Variants in XDH observed in about 807,000 individuals in gnomAD.
XDH encodes xanthine dehydrogenase/oxidase.
XDH carries 138 observed loss-of-function variants against 156.1 expected under a neutral mutation model. The ratio of observed to expected loss-of-function variants is 0.88; its 90% CI spans 0.77 to 1.02. XDH has a LOEUF of 1.02. Among genes scored for constraint, XDH ranks in the 50% least tolerant of loss-of-function variants. The probability of loss-of-function intolerance (pLI) is 0.00; values close to 1 mark genes in which losing one functional copy is unlikely to be tolerated. For synonymous variants in XDH, 669 were observed against 625.7 expected (o/e 1.07, Z -1.03); for missense variants, 1,849 against 1,684.9 (o/e 1.10, Z -1.71).
intron 6 of XDH, among the ~76,000 whole-genome samples, chr2:31,395,474 G>C (rs1198971807): frequency 6.6e-6 from 1 of 152,118 alleles, no homozygotes; most frequent in Non-Finnish European, 1.5e-5. Flanking sequence ...AGAATGCTCT[G>C]GCATATTCCA....
At chr2:31,342,426 A>G in intron 31 of XDH, 129 bp from the exon 32 acceptor site, 2 of 800,590 alleles carry the variant, frequency 2.5e-6, no homozygotes, top group Non-Finnish European at 4.2e-6. Flanking sequence ...TCTCCAAAAA[A>G]GTCCATGGTT....
At chr2:31,401,114 T>G in intron 4 of XDH, 106 bp downstream of exon 4, 1 of 1,282,956 alleles carries the variant, frequency 7.8e-7, no homozygotes, top group Admixed American at 1.9e-5. Flanking sequence ...GATTAAGCAG[T>G]GAAACTCTTC....
intron 24 of XDH, among the ~76,000 whole-genome samples, chr2:31,362,449 C>G (rs780993779): frequency 6.6e-6 from 1 of 152,170 alleles, no homozygotes; most frequent in Non-Finnish European, 1.5e-5. Context: ...AAAGTTCTTA[C>G]TAACTAGATA....
At chr2:31,361,814 A>T (rs1454098729) in intron 24 of XDH, among the ~76,000 whole-genome samples, 1 of 152,222 alleles carries the variant, frequency 6.6e-6, no homozygotes, top group Non-Finnish European at 1.5e-5. Flanking sequence ...AGTGTATTTT[A>T]CAAACAAAAC....
Position 31,335,777 on chromosome 2 carries a change from T to C in XDH, c.*181A>G, listed in dbSNP as rs543560814. On this transcript the variant is annotated 3_prime_UTR_variant, in exon 36 of 36. Transcript: ENST00000379416. ...AGTTTTGAATTTGCTTATCATTGTGTTTACAAATTACATTTTTGATCAAAA... is the reference window on the plus strand; with the variant it reads ...AGTTTTGAATTTGCTTATCATTGTGCTTACAAATTACATTTTTGATCAAAA... 9.9e-6 allele frequency: 7 copies of C among 704,524 alleles called. No individual in the cohort carries two copies. In the Admixed American group the frequency reaches 1.4e-4, roughly 14 times the overall value. The allele number at this position is 704,524 out of a possible 1,614,324, so 43.6% of individuals were successfully genotyped here.
chr2:31,403,253 T>A (rs1012222920), intron 2 of XDH, 109 bp from the exon 3 acceptor site: 2 of 1,188,692 alleles, frequency 1.7e-6, no homozygotes, highest in Non-Finnish European at 2.4e-6. Flanking sequence ...CCACACGTGC[T>A]CAGGCCCCTC....
intron 11 of XDH, 50 bp downstream of exon 11, chr2:31,382,951 A>C: frequency 6.2e-7 from 1 of 1,613,092 alleles, no homozygotes; most frequent in Non-Finnish European, 8.5e-7. Flanking sequence ...CCCTGCTTTC[A>C]GATGAAAGCT....
rs1415202186 is a variant in XDH at position 31,343,305 on chromosome 2, T to TGC, written c.3405-1009_3405-1008insGC. Among the ~76,000 whole-genome samples, 20 of 101,032 alleles carry TGC rather than the reference T, an allele frequency of 2.0e-4. 1 individual carries two copies. Among genetic ancestry groups the TGC allele is most frequent in the African/African-American group, 6.5e-4 (15 of 23,146 alleles). The allele number at this position is 101,032 out of a possible 152,430, so 66.3% of individuals were successfully genotyped here. A position where few individuals can be genotyped will look rare whatever the true frequency, so the allele number is the denominator to read the frequency against. ...TTCACCATATATATATATATATATATATATATATATATATATATATATGCA... is the reference window on the plus strand; with the variant it reads ...TTCACCATATATATATATATATATATGCATATATATATATATATATATATGCA... On this transcript the variant is annotated intron_variant, in intron 31 of 35. Coordinates refer to ENST00000379416, the MANE Select transcript of XDH (RefSeq NM_000379.4).
chr2:31,403,098 C>T lies in XDH; in HGVS notation c.147G>A (p.Gly49=), dbSNP rs1188315392. 3 of 1,614,052 alleles carry T rather than the reference C, an allele frequency of 1.9e-6. No individual in the cohort carries two copies. The highest frequency in any genetic ancestry group is 1.3e-5 in the African/African-American group (1 of 74,922). Residue 49 remains glycine (G), a synonymous_variant, in exon 3 of 36, where the codon GGG becomes GGA. Coordinates refer to ENST00000379416, the MANE Select transcript of XDH (RefSeq NM_000379.4). ...TKLGCGEGGC[G]ACTVMLSKYD... is the part of the protein sequence containing the mutation. ...ACTTGGAGAGCATCACTGTGCAAGC[C>T]CCGCAGCCCCCCTCTCCACAGCCGA...
At chr2:31,394,282 T>TA (rs1044429309) in intron 6 of XDH, among the ~76,000 whole-genome samples, 24 of 152,172 alleles carry the variant, frequency 1.6e-4, no homozygotes, top group African/African-American at 5.6e-4. Flanking sequence ...GAAGGATACT[T>TA]ACGGAGGTTA....
At chr2:31,348,231 A>G (rs1685354570) in intron 28 of XDH, 37 bp downstream of exon 28, 1 of 1,603,656 alleles carries the variant, frequency 6.2e-7, no homozygotes, top group African/African-American at 1.3e-5. Context: ...CACTTCCTCT[A>G]ACAACGGACA....
At position 31,398,564 on chromosome 2, in the gene XDH, G is replaced by A. The variant is rs779808198; in HGVS notation, c.433+9C>T. Reference sequence around the variant, plus strand: ...TTCCACCTCCTAGGCTGTGCCTGAAGGCCCATACCTTGGAAGGCATTCTCA... The same window carrying A: ...TTCCACCTCCTAGGCTGTGCCTGAAAGCCCATACCTTGGAAGGCATTCTCA... On this transcript the variant is annotated intron_variant, in intron 5 of 35. Coordinates refer to ENST00000379416, the MANE Select transcript of XDH (RefSeq NM_000379.4). The A allele has an allele frequency of 6.2e-7, 1 of 1,613,976 alleles. No homozygotes were observed. The highest frequency in any genetic ancestry group is 8.5e-7 in the Non-Finnish European group (1 of 1,179,872).
chr2:31,346,696 G>T, intron 30 of XDH, 73 bp downstream of exon 30: 1 of 1,562,658 alleles, frequency 6.4e-7, no homozygotes, highest in South Asian at 1.1e-5. Context: ...TTACTTGTTC[G>T]GATTCGGAAC....
chr2:31,386,699 G>T, intron 8 of XDH, 144 bp from the exon 9 acceptor site: 1 of 1,134,164 alleles, frequency 8.8e-7, no homozygotes, highest in Non-Finnish European at 1.3e-6. Context: ...GAAGTAATAT[G>T]TTCAGAGGCA....
rs780136804 is a variant in XDH, at chr2:31,342,289, T to C, written c.3413A>G (p.Asn1138Ser). 6 of 1,613,902 alleles carry C rather than the reference T, an allele frequency of 3.7e-6. No individual in the cohort carries two copies. The highest frequency in any genetic ancestry group is 5.1e-6 in the Non-Finnish European group (6 of 1,179,916). ...LSATGFYRTP[N>S]LGYSFETNSG... ...GTTAGTCTCAAAGCTGTAGCCCAGA[T>C]TGGGTGTTCTGGGAGAGGAAAGAGA... The change falls in exon 32 of 36, where the codon AAT becomes AGT. Residue 1138 changes from asparagine to serine, a missense_variant. Asn to Ser is a conservative substitution (Grantham distance 46). Transcript: ENST00000379416.
At position 31,335,865 on chromosome 2, in the gene XDH, G is replaced by A. The variant is rs994502328; in HGVS notation, c.*93C>T. ...TGACAAATCACAGGTCTGTCATTCT[G>A]TGACTTTAATAGATCCATGTTCTGT... is the stretch of plus-strand genomic sequence containing the variant. On this transcript the variant is annotated 3_prime_UTR_variant, in exon 36 of 36. Transcript: ENST00000379416. 3.5e-6 allele frequency: 5 copies of A among 1,419,574 alleles called. No individual in the cohort carries two copies. The African/African-American group carries it at 7.0e-5, about 20-fold the overall frequency. The allele number at this position is 1,419,574 out of a possible 1,614,324, so 87.9% of individuals were successfully genotyped here. A position where few individuals can be genotyped will look rare whatever the true frequency, so the allele number is the denominator to read the frequency against.
intron 18 of XDH, 78 bp downstream of exon 18, chr2:31,370,277 G>A: frequency 6.5e-7 from 1 of 1,536,908 alleles, no homozygotes; most frequent in South Asian, 1.1e-5. Flanking sequence ...TTCCAGATCA[G>A]GAGTTTGGAG....
intron 18 of XDH, among the ~76,000 whole-genome samples, chr2:31,370,062 G>A (rs1397824255): frequency 2.0e-5 from 3 of 152,186 alleles, no homozygotes; most frequent in East Asian, 3.8e-4. Flanking sequence ...TAATTAAAGA[G>A]CTTACTGTTG....
intron 6 of XDH, among the ~76,000 whole-genome samples, chr2:31,396,484 C>T (rs150364745): frequency 1.3e-5 from 2 of 152,220 alleles, no homozygotes; most frequent in African/African-American, 2.4e-5. Context: ...TATTGAATAA[C>T]AGAAATGTGC....
Sources: allele counts gnomAD v4.1 joint callset (sites outside exome capture counted in the v4.1 genomes callset), GRCh38; gene constraint gnomAD v4.1.1; transcripts MANE v1.5; gene names NCBI Gene and HGNC (gene_info 2026-07-23, HGNC 2026-07-21).